The following NUMA1 variants were observed in gnomAD, a reference collection of about 807,000 sequenced individuals.
NUMA1 encodes SP-H antigen.
In NUMA1, 62 loss-of-function variants were observed where a neutral mutation model predicts 237.1. The observed-to-expected ratio is 0.26, with a 90% CI of 0.21 to 0.32. The LOEUF is 0.32. Ranked by LOEUF, NUMA1 falls within the 10% of genes least tolerant of loss-of-function variation. NUMA1 has a pLI of 1.00. For missense variants in NUMA1, 2,533 were observed against 2,666.5 expected (o/e 0.95, Z 1.10); for synonymous variants, 1,028 against 1,066.1 (o/e 0.96, Z 0.70).
At chr11:72,078,449 C>T (rs965900746) in intron 1 of NUMA1, among the ~76,000 whole-genome samples, 8 of 152,254 alleles carry the variant, frequency 5.3e-5, no homozygotes, top group Non-Finnish European at 8.8e-5. Flanking sequence ...TTAGACACAG[C>T]TGTCCAAACA....
chr11:72,043,002 G>T (rs1304824065), intron 2 of NUMA1, among the ~76,000 whole-genome samples: 1 of 152,066 alleles, frequency 6.6e-6, no homozygotes, highest in Non-Finnish European at 1.5e-5. Flanking sequence ...CGCACCTACA[G>T]TTCCAGCTAC....
At position 72,012,382 on chromosome 11, in the gene NUMA1, C is replaced by T. The variant is rs763585377; in HGVS notation, c.4650+19G>A. 6 of 1,611,488 alleles carry T rather than the reference C, an allele frequency of 3.7e-6. No homozygotes were observed. Among genetic ancestry groups the T allele is most frequent in the East Asian group, 4.5e-5 (2 of 44,880 alleles). On this transcript the variant is annotated intron_variant, in intron 16 of 26. Coordinates refer to ENST00000393695, the MANE Select transcript of NUMA1 (RefSeq NM_006185.4). ...CACCGTTTAAGCAGCCAGCATTTAG[C>T]GAGGACCTCAGGCATTACCTGCTTA...
chr11:72,022,473 C>T (rs10128658), intron 6 of NUMA1, 54 bp from the exon 7 acceptor site: 1,117,155 of 1,214,432 alleles, frequency 0.92, 515,675 homozygotes, highest in Non-Finnish European at 0.95. Flanking sequence ...CTTCTCAGTG[C>T]CCCCATTCTG....
intron 3 of NUMA1, among the ~76,000 whole-genome samples, chr11:72,030,631 C>T (rs756955969): frequency 2.6e-5 from 4 of 152,244 alleles, no homozygotes; most frequent in Admixed American, 6.5e-5. Context: ...CTGAAGTTTA[C>T]GTTTTTATTA....
intron 2 of NUMA1, among the ~76,000 whole-genome samples, chr11:72,044,805 T>C (rs1412483862): frequency 6.6e-6 from 1 of 151,804 alleles, no homozygotes; most frequent in African/African-American, 2.4e-5. Context: ...GTAGCTGAGA[T>C]TACAGGCACC....
rs1298538739 is a variant in NUMA1, at chr11:72,007,232, G to A, written c.5420C>T (p.Ala1807Val). The stretch of plus-strand genomic sequence containing the variant: ...GATGATCTGCGTGGTGCGCCGACGA[G>A]CGGAGCGGGTCTTACGACCCGAGTC... ...FLDSGRKTRSARRRTTQIINI... is the reference protein window; with the variant it reads ...FLDSGRKTRSVRRRTTQIINI... Residue 1807 changes from alanine (A) to valine (V), a missense_variant, in exon 21 of 27, where the codon GCT becomes GTT. Physicochemically the swap from Ala to Val is moderately conservative, Grantham distance 64. Coordinates refer to ENST00000393695, the MANE Select transcript of NUMA1 (RefSeq NM_006185.4). The A allele has an allele frequency of 6.2e-7, 1 of 1,612,742 alleles. No homozygotes were observed. The highest frequency in any genetic ancestry group is 8.5e-7 in the Non-Finnish European group (1 of 1,180,022).
rs986769484 is a variant in NUMA1, at chr11:72,007,402, G to A, written c.5250C>T (p.Ser1750=). The change falls in exon 21 of 27, where the codon AGC becomes AGT. Residue 1750 remains serine, a synonymous_variant. Coordinates refer to ENST00000393695, the MANE Select transcript of NUMA1 (RefSeq NM_006185.4). ...TAGGTGAGGCTGGTTCTCCAGGGAC[G>A]CTGGTGCCGTCTGGCTGGGTACGAG... ...KLPRTQPDGT[S]VPGEPASPIS... The A allele has an allele frequency of 2.0e-5, 32 of 1,613,754 alleles. No individual in the cohort carries two copies. The highest frequency in any genetic ancestry group is 3.3e-4 in the Middle Eastern group (2 of 6,044).
chr11:72,028,844 T>G (rs948726220), intron 4 of NUMA1, among the ~76,000 whole-genome samples: 4 of 152,168 alleles, frequency 2.6e-5, no homozygotes, highest in Non-Finnish European at 5.9e-5. Context: ...GCTTGTGGCA[T>G]AGGGTAGGGA....
chr11:72,014,062 T>A lies in NUMA1; in HGVS notation c.3441A>T (p.Glu1147Asp). 1 of 1,610,882 alleles carries A rather than the reference T, an allele frequency of 6.2e-7. No individual in the cohort carries two copies. Among genetic ancestry groups the A allele is most frequent in the East Asian group, 2.2e-5 (1 of 44,866 alleles). Residue 1147 changes from glutamate (E) to aspartate (D), a missense_variant, in exon 15 of 27, where the codon GAA becomes GAT. Coordinates refer to ENST00000393695, the MANE Select transcript of NUMA1 (RefSeq NM_006185.4). This position sits in a 1 kb window ranked among gnomAD's most constrained non-coding sequence, Gnocchi z 4.6. ...AGGCCCGCTCAGCCTCGAGGCTGCG[T>A]TCCAGGCTGTCAGCCTGCTCCTGCT... ...QKQQEQADSL[E>D]RSLEAERASR...
chr11:72,046,050 G>A (rs1290562214), intron 2 of NUMA1, among the ~76,000 whole-genome samples: 1 of 152,206 alleles, frequency 6.6e-6, no homozygotes, highest in Non-Finnish European at 1.5e-5. Flanking sequence ...AAGCTGCCAA[G>A]TTTCTGGGCC....
chr11:72,070,035 G>C (rs1213377132), intron 1 of NUMA1, 124 bp from the exon 2 acceptor site: 1 of 152,168 alleles, frequency 6.6e-6, no homozygotes, highest in Non-Finnish European at 1.5e-5. Context: ...GCAAGCAGAA[G>C]GGAAGCCATG....
chr11:72,037,335 C>A (rs1170125043), intron 2 of NUMA1, among the ~76,000 whole-genome samples: 2 of 152,158 alleles, frequency 1.3e-5, no homozygotes, highest in Non-Finnish European at 1.5e-5. Flanking sequence ...GAAACCCCGT[C>A]TCTACTAAAA....
At chr11:72,029,161 C>T (rs532695824) in intron 4 of NUMA1, 44 bp downstream of exon 4, 3 of 1,414,228 alleles carry the variant, frequency 2.1e-6, no homozygotes, top group Non-Finnish European at 3.0e-6. Context: ...CCCCAGCAAT[C>T]AGCTTTGCCT....
In NUMA1 at chr11:72,013,205, T is replaced by C; in HGVS notation, c.4298A>G (p.Tyr1433Cys). ...CTTCAGCATGCTCAGCTGCTCTGCA[T>C]AGCTGGCCTTCTCTGCCCGCAGCTG... Reference protein sequence around the residue: ...AQQLRAEKASYAEQLSMLKKA... With the variant: ...AQQLRAEKASCAEQLSMLKKA... Residue 1433 changes from tyrosine (Y) to cysteine (C), a missense_variant, in exon 15 of 27, where the codon TAT becomes TGT. Transcript: ENST00000393695. The surrounding 1 kb of genome is among the most constrained non-coding windows in gnomAD (Gnocchi z 6.8). The C allele has an allele frequency of 1.9e-6, 3 of 1,611,120 alleles. No individual in the cohort carries two copies. The highest frequency in any genetic ancestry group is 1.7e-6 in the Non-Finnish European group (2 of 1,180,002).
In NUMA1 at chr11:72,034,861, T is replaced by A. The variant is rs139859709; in HGVS notation, c.42+1041A>T. ...GTTTCTTTAGCTTTATTTATTATTT[T>A]TATATATATTTTTGAAACATGGTCT... On this transcript the variant is annotated intron_variant, in intron 3 of 26. Coordinates refer to ENST00000393695, the MANE Select transcript of NUMA1 (RefSeq NM_006185.4). 4.1e-4 allele frequency among the ~76,000 whole-genome samples: 62 copies of A among 152,262 alleles called. No individual in the cohort carries two copies. In the East Asian group the frequency reaches 0.011, roughly 26 times the overall value.
chr11:72,034,012 G>A (rs1259149382), intron 3 of NUMA1, among the ~76,000 whole-genome samples: 2 of 152,068 alleles, frequency 1.3e-5, no homozygotes, highest in Non-Finnish European at 2.9e-5. Context: ...CTACTTGGGG[G>A]GCTGAGGTAG....
At chr11:72,040,036 G>A (rs146070503) in intron 2 of NUMA1, among the ~76,000 whole-genome samples, 372 of 152,298 alleles carry the variant, frequency 2.4e-3, no homozygotes, top group Middle Eastern at 0.01. Flanking sequence ...AAGGCAAGAG[G>A]ACCAGTGGCT....
chr11:72,022,469 A>T, intron 6 of NUMA1, 50 bp from the exon 7 acceptor site: 1 of 1,327,722 alleles, frequency 7.5e-7, no homozygotes, highest in Non-Finnish European at 1.1e-6. Flanking sequence ...CTCTCTTCTC[A>T]GTGCCCCCAT....
intron 2 of NUMA1, among the ~76,000 whole-genome samples, chr11:72,044,756 C>G (rs1161921235): frequency 6.7e-6 from 1 of 149,846 alleles, no homozygotes; most frequent in Non-Finnish European, 1.5e-5. Flanking sequence ...CAACCTCTGT[C>G]TCCTGGGTTC....
Sources: gnomAD v4.1 joint callset for allele counts (sites outside exome capture counted in the v4.1 genomes callset) on GRCh38, gnomAD v4.1.1 for gene constraint, Gnocchi (gnomAD v3.1) non-coding constraint, MANE v1.5 for transcripts, NCBI Gene and HGNC (gene_info 2026-07-23, HGNC 2026-07-21) for gene names.